The following PDE1C variants were observed in gnomAD, a reference collection of about 807,000 sequenced individuals.
PDE1C encodes the protein dual specificity calcium/calmodulin-dependent 3',5'-cyclic nucleotide phosphodiesterase 1C.
A neutral mutation model predicts 93.1 loss-of-function variants in PDE1C; 62 were observed. That is an observed-to-expected ratio of 0.67 (90% CI 0.54 to 0.82). The LOEUF is 0.82. PDE1C is among the 40% of genes least tolerant of loss of function. The pLI, the probability that PDE1C is intolerant of heterozygous loss-of-function variation, is 0.00. For synonymous variants in PDE1C, 325 were observed against 310.1 expected, an observed-to-expected ratio of 1.05 and a Z score of -0.50; for missense variants, 742 against 884.6, an observed-to-expected ratio of 0.84 and a Z score of 2.04.
chr7:31,655,995 T>A, the PDE1C span: 1 of 985,366 alleles, frequency 1.0e-6, no homozygotes, highest in East Asian at 1.1e-4. Flanking sequence ...CCTGTGTTCC[T>A]GCTTCCTCTC....
At chr7:32,361,340 C>G (rs1308349241) in intron 1 of PDE1C, among the ~76,000 whole-genome samples, 3 of 152,182 alleles carry the variant, frequency 2.0e-5, no homozygotes, top group African/African-American at 7.2e-5. Flanking sequence ...CCCCTTCATC[C>G]CTGTCTGTAG....
At chr7:31,799,855 A>T (rs538772571) in intron 16 of PDE1C, among the ~76,000 whole-genome samples, 37 of 151,864 alleles carry the variant, frequency 2.4e-4, no homozygotes, top group African/African-American at 8.2e-4. Context: ...TGGTTGTAAG[A>T]AATACAATTT....
intron 1 of PDE1C, among the ~76,000 whole-genome samples, chr7:32,371,488 C>G (rs1358138048): frequency 6.6e-6 from 1 of 152,150 alleles, no homozygotes; most frequent in East Asian, 1.9e-4. Context: ...TAGTGCTTGG[C>G]AGATTTCCTG....
intron 1 of PDE1C, among the ~76,000 whole-genome samples, chr7:32,377,332 C>CT (rs1784450484): frequency 6.6e-6 from 1 of 152,204 alleles, no homozygotes; most frequent in South Asian, 2.1e-4. Context: ...TCCCAAAGCA[C>CT]TTTGTTCATA....
chr7:31,644,490 T>C, the PDE1C span, among the ~76,000 whole-genome samples: 1 of 152,206 alleles, frequency 6.6e-6, no homozygotes, highest in Non-Finnish European at 1.5e-5. Context: ...GTTACTCTTA[T>C]ATGTGTTACT....
intron 1 of PDE1C, among the ~76,000 whole-genome samples, chr7:32,366,551 A>T (rs1038996237): frequency 1.3e-5 from 2 of 152,316 alleles, no homozygotes; most frequent in Non-Finnish European, 2.9e-5. Context: ...AGAGATGGAC[A>T]TTTAAGTCCA....
chr7:32,144,089 A>G (rs1053083596), intron 3 of PDE1C, among the ~76,000 whole-genome samples: 2 of 152,160 alleles, frequency 1.3e-5, no homozygotes, highest in Admixed American at 1.3e-4. Flanking sequence ...GGGCAGTGAT[A>G]AAGAGTCTAG....
intron 2 of PDE1C, 69 bp downstream of exon 2, chr7:32,051,485 T>C: frequency 2.1e-6 from 3 of 1,450,902 alleles, no homozygotes; most frequent in Non-Finnish European, 1.9e-6. Flanking sequence ...CAGTCCACCA[T>C]GAGCCAGACT....
In PDE1C at chr7:32,286,756, C is replaced by T. The variant is rs78519905; in HGVS notation, c.85+11895G>A. Among the ~76,000 whole-genome samples the T allele has an allele frequency of 7.8e-3, 1,181 of 152,270 alleles. 16 individuals carry two copies. Among genetic ancestry groups the T allele is most frequent in the African/African-American group, 0.026 (1,083 of 41,550 alleles). On this transcript the variant is annotated intron_variant, in intron 1 of 18. Transcript: ENST00000396193. ...CATGTATGATCCCATTTAAATAGAA[C>T]TGCAATAGAATAGTATGTGGACCAA... is the stretch of plus-strand genomic sequence containing the variant.
chr7:32,319,789 G>A (rs987654503), intron 1 of PDE1C, among the ~76,000 whole-genome samples: 2 of 152,266 alleles, frequency 1.3e-5, no homozygotes, highest in South Asian at 4.1e-4. Context: ...AAAGTCAAAT[G>A]GATTCTGAAG....
At chr7:32,396,527 G>C (rs1045014964) in intron 1 of PDE1C, among the ~76,000 whole-genome samples, 20 of 150,942 alleles carry the variant, frequency 1.3e-4, no homozygotes, top group African/African-American at 4.9e-4. Flanking sequence ...AAGTATGGGG[G>C]GGGGGAGTGT....
chr7:32,298,643 G>T, intron 1 of PDE1C: 1 of 1,600,524 alleles, frequency 6.2e-7, no homozygotes, highest in Non-Finnish European at 8.5e-7. Context: ...GGGGTGGAAA[G>T]TTCTCACCTA....
chr7:31,952,255 T>C (rs1217574171), intron 2 of PDE1C, among the ~76,000 whole-genome samples: 1 of 149,942 alleles, frequency 6.7e-6, no homozygotes, highest in Non-Finnish European at 1.5e-5. Flanking sequence ...AGAACTACCT[T>C]TTTTTTTTCC....
At position 31,883,333 on chromosome 7, in the gene PDE1C, T is replaced by C. The variant is rs186820541; in HGVS notation, c.129-2473A>G. 3.1e-3 allele frequency among the ~76,000 whole-genome samples: 465 copies of C among 152,310 alleles called. 2 individuals carry two copies. The highest frequency in any genetic ancestry group is 0.01 in the African/African-American group (435 of 41,570). On this transcript the variant is annotated intron_variant, in intron 2 of 17. Transcript: ENST00000396191. ...GTGAATTCGTGAGTCTCCAGTTAAATGGATTGTTGATTCATGACCTAGATT... is the reference window on the plus strand; with the variant it reads ...GTGAATTCGTGAGTCTCCAGTTAAACGGATTGTTGATTCATGACCTAGATT...
At chr7:31,706,300 C>T in the PDE1C span, among the ~76,000 whole-genome samples, 1 of 151,912 alleles carries the variant, frequency 6.6e-6, no homozygotes, top group Non-Finnish European at 1.5e-5. Context: ...CCACCACACC[C>T]GGCCCAGTAA....
At chr7:32,193,533 A>T (rs757651520) in intron 2 of PDE1C, among the ~76,000 whole-genome samples, 1 of 152,152 alleles carries the variant, frequency 6.6e-6, no homozygotes, top group Non-Finnish European at 1.5e-5. Context: ...TGTTTTATAT[A>T]TTATTGAATT....
At chr7:31,682,280 T>C in the PDE1C span, among the ~76,000 whole-genome samples, 1 of 152,218 alleles carries the variant, frequency 6.6e-6, no homozygotes, top group East Asian at 1.9e-4. Context: ...AGAGAACTTC[T>C]GGTCTGGACA....
rs1278332991 is a variant in PDE1C, at chr7:32,202,123, A to G, written c.136+7366T>C. The stretch of plus-strand genomic sequence containing the variant: ...AGCCTCTTCACCTAGATCTCAATGG[A>G]CTTGGAGCTTCCAGCTGACATCTGG... On this transcript the variant is annotated intron_variant, in intron 2 of 18. Coordinates refer to the PDE1C transcript ENST00000396193. Among the ~76,000 whole-genome samples, 3 of 152,174 alleles carry G rather than the reference A, an allele frequency of 2.0e-5. 1 individual carries two copies. Among genetic ancestry groups the G allele is most frequent in the Admixed American group, 2.0e-4 (3 of 15,270 alleles).
chr7:32,151,910 T>C (rs1222711309), intron 3 of PDE1C, among the ~76,000 whole-genome samples: 1 of 152,232 alleles, frequency 6.6e-6, no homozygotes, highest in Non-Finnish European at 1.5e-5. Context: ...TTCTACGTCA[T>C]TTATATCTTA....
Sources: allele counts gnomAD v4.1 joint callset (sites outside exome capture counted in the v4.1 genomes callset), GRCh38; gene constraint gnomAD v4.1.1; transcripts MANE v1.5; gene names NCBI Gene and HGNC (gene_info 2026-07-23, HGNC 2026-07-21).